The following PPARGC1A variants were observed in gnomAD, a reference collection of about 807,000 sequenced individuals.
PPARGC1A encodes the protein peroxisome proliferator-activated receptor gamma coactivator 1-alpha.
A neutral mutation model predicts 88.7 loss-of-function variants in PPARGC1A; 25 were observed. The observed-to-expected ratio is 0.28, with a 90% confidence interval of 0.21 to 0.39. PPARGC1A has a LOEUF of 0.39. Ranked by LOEUF, PPARGC1A falls within the 10% of genes least tolerant of loss-of-function variation. The pLI, the probability that PPARGC1A is intolerant of heterozygous loss-of-function variation, is 1.00. For synonymous variants in PPARGC1A, 363 were observed against 355.6 expected, an observed-to-expected ratio of 1.02 and a Z score of -0.24; for missense variants, 880 against 968.7, an observed-to-expected ratio of 0.91 and a Z score of 1.22.
the PPARGC1A span, among the ~76,000 whole-genome samples, chr4:24,453,948 T>G: frequency 2.0e-5 from 3 of 152,214 alleles, no homozygotes; most frequent in Admixed American, 2.0e-4. Context: ...TAACTTTCTC[T>G]GACCAATAGA....
At chr4:24,286,284 G>A in the PPARGC1A span, among the ~76,000 whole-genome samples, 254 of 152,264 alleles carry the variant, frequency 1.7e-3, 7 homozygotes, top group East Asian at 0.035. Flanking sequence ...CTCACAGAGG[G>A]AAAGGTATAG....
At chr4:23,920,804 G>T in the PPARGC1A span, among the ~76,000 whole-genome samples, 1 of 152,164 alleles carries the variant, frequency 6.6e-6, no homozygotes, top group Admixed American at 6.5e-5. Flanking sequence ...CTACTGAAAT[G>T]ACTGAAGCCA....
rs66852812 is a variant in PPARGC1A, at chr4:23,859,780, C to CAAAATAAAATAAAAT, written c.234+24957_234+24971dup. Among the ~76,000 whole-genome samples, 5 of 118,544 alleles carry CAAAATAAAATAAAAT rather than the reference C, an allele frequency of 4.2e-5. No homozygotes were observed. In the East Asian group the frequency reaches 1.0e-3, roughly 25 times the overall value. 77.8% of individuals were successfully genotyped at this position (118,544 alleles called of 152,430 possible). A position where few individuals can be genotyped will look rare whatever the true frequency, so the allele number is the denominator to read the frequency against. On this transcript the variant is annotated intron_variant, in intron 2 of 12. Transcript: ENST00000264867. ...TGGGAGAGAGTGCAAGACACCGTCT[C>CAAAATAAAATAAAAT]AAAATAAAATAAAATAAAATAAAAT...
At chr4:24,356,961 G>A in the PPARGC1A span, among the ~76,000 whole-genome samples, 1 of 152,112 alleles carries the variant, frequency 6.6e-6, no homozygotes, top group Non-Finnish European at 1.5e-5. Context: ...TTGAGATAAG[G>A]GAAGTATTGA....
At chr4:24,442,532 T>C in the PPARGC1A span, among the ~76,000 whole-genome samples, 1 of 152,228 alleles carries the variant, frequency 6.6e-6, no homozygotes, top group Non-Finnish European at 1.5e-5. Context: ...ATAACAGTTT[T>C]AATATGTAAG....
chr4:24,398,129 C>A, the PPARGC1A span, among the ~76,000 whole-genome samples: 1 of 152,148 alleles, frequency 6.6e-6, no homozygotes, highest in East Asian at 1.9e-4. Context: ...AGAACATTTA[C>A]ACTGTGGAAT....
chr4:24,069,185 A>T, the PPARGC1A span, among the ~76,000 whole-genome samples: 2 of 152,228 alleles, frequency 1.3e-5, no homozygotes, highest in Non-Finnish European at 2.9e-5. Flanking sequence ...ATATAGTCAC[A>T]TGGTTAATAG....
chr4:24,138,740 G>A, the PPARGC1A span, among the ~76,000 whole-genome samples: 1 of 152,160 alleles, frequency 6.6e-6, no homozygotes, highest in Admixed American at 6.5e-5. Flanking sequence ...AAAATGGTCA[G>A]CTCTCCCTGT....
the PPARGC1A span, among the ~76,000 whole-genome samples, chr4:24,163,827 G>T: frequency 1.3e-5 from 2 of 152,182 alleles, no homozygotes; most frequent in Non-Finnish European, 2.9e-5. Context: ...GTACCACTCT[G>T]TTAGGCTGTG....
intron 2 of PPARGC1A, 113 bp from the exon 3 acceptor site, chr4:23,831,864 A>G (rs991430824): frequency 2.4e-5 from 19 of 806,252 alleles, no homozygotes; most frequent in Non-Finnish European, 3.8e-5. Flanking sequence ...TAGAATGCCC[A>G]TTCCAGAACA....
the PPARGC1A span, among the ~76,000 whole-genome samples, chr4:23,924,637 C>G: frequency 6.6e-6 from 1 of 152,132 alleles, no homozygotes; most frequent in African/African-American, 2.4e-5. Flanking sequence ...AACTTTCATT[C>G]CATTTCTTTT....
At chr4:24,244,346 T>G in the PPARGC1A span, among the ~76,000 whole-genome samples, 4 of 152,242 alleles carry the variant, frequency 2.6e-5, no homozygotes, top group African/African-American at 9.6e-5. Context: ...ATGGTCGGAT[T>G]GTCAATTTTT....
At chr4:24,167,026 C>T in the PPARGC1A span, among the ~76,000 whole-genome samples, 1 of 152,156 alleles carries the variant, frequency 6.6e-6, no homozygotes, top group African/African-American at 2.4e-5. Flanking sequence ...TAGCAATTCC[C>T]TTGATGGATC....
At chr4:24,154,384 TAATC>T in the PPARGC1A span, among the ~76,000 whole-genome samples, 6 of 152,302 alleles carry the variant, frequency 3.9e-5, no homozygotes, top group South Asian at 4.1e-4. Context: ...TCAAATAAAT[TAATC>T]AAGCAAATGG....
intron 2 of PPARGC1A, among the ~76,000 whole-genome samples, chr4:23,861,503 A>G (rs1731221221): frequency 6.6e-6 from 1 of 152,190 alleles, no homozygotes; most frequent in Non-Finnish European, 1.5e-5. Flanking sequence ...GAAACCAGGG[A>G]GTTGCTAGGA....
chr4:23,829,943 T>C (rs1028163186), intron 3 of PPARGC1A, among the ~76,000 whole-genome samples: 1 of 152,154 alleles, frequency 6.6e-6, no homozygotes, highest in Admixed American at 6.5e-5. Flanking sequence ...ACTGCATAAA[T>C]TGGACTTGGT....
the PPARGC1A span, among the ~76,000 whole-genome samples, chr4:24,378,997 A>G: frequency 4.6e-5 from 7 of 152,306 alleles, no homozygotes; most frequent in African/African-American, 1.7e-4. Context: ...CAATTTGTTA[A>G]GTTTGAGAAA....
At chr4:24,417,043 A>G in the PPARGC1A span, among the ~76,000 whole-genome samples, 4 of 151,318 alleles carry the variant, frequency 2.6e-5, no homozygotes, top group South Asian at 4.2e-4. Flanking sequence ...AAAAAAAAAA[A>G]GGGAAAGAGT....
chr4:24,255,394 T>G, the PPARGC1A span, among the ~76,000 whole-genome samples: 3 of 152,162 alleles, frequency 2.0e-5, no homozygotes, highest in Non-Finnish European at 2.9e-5. Flanking sequence ...TCTCTAACAC[T>G]CTCCCTATAT....
Sources: gnomAD v4.1 joint callset for allele counts (sites outside exome capture counted in the v4.1 genomes callset) on GRCh38, gnomAD v4.1.1 for gene constraint, MANE v1.5 for transcripts, NCBI Gene and HGNC (gene_info 2026-07-23, HGNC 2026-07-21) for gene names.